TMEM117: variants seen among roughly 807,000 people sequenced by gnomAD.
The protein encoded by TMEM117 is transmembrane protein 117.
TMEM117 carries 27 observed loss-of-function variants against 52.4 expected under a neutral mutation model. The ratio of observed to expected loss-of-function variants is 0.51; its 90% CI spans 0.38 to 0.71. TMEM117 has a LOEUF of 0.71. Among genes scored for constraint, TMEM117 ranks in the 30% least tolerant of loss-of-function variants. The pLI is 0.00. For missense variants in TMEM117, 556 were observed against 630.5 expected, an observed-to-expected ratio of 0.88 and a Z score of 1.26; for synonymous variants, 215 against 206.3, an observed-to-expected ratio of 1.04 and a Z score of -0.36.
At chr12:43,875,813 C>A (rs921756326) in intron 2 of TMEM117, among the ~76,000 whole-genome samples, 1 of 152,154 alleles carries the variant, frequency 6.6e-6, no homozygotes, top group Non-Finnish European at 1.5e-5. Context: ...CTTTACCTTG[C>A]ACTCATGTCC....
chr12:43,796,577 A>G, the TMEM117 span, among the ~76,000 whole-genome samples: 1 of 152,134 alleles, frequency 6.6e-6, no homozygotes, highest in African/African-American at 2.4e-5. Flanking sequence ...ATTAATATGC[A>G]GTAGAAATAA....
At chr12:44,122,379 G>A (rs1948251800) in intron 3 of TMEM117, among the ~76,000 whole-genome samples, 1 of 152,008 alleles carries the variant, frequency 6.6e-6, no homozygotes, top group Admixed American at 6.6e-5. Flanking sequence ...GTATTTCATG[G>A]TTCTATATGT....
chr12:44,278,432 T>G (rs1288465479), intron 5 of TMEM117, among the ~76,000 whole-genome samples: 1 of 152,226 alleles, frequency 6.6e-6, no homozygotes, highest in Non-Finnish European at 1.5e-5. Flanking sequence ...GTCATCCAAG[T>G]TTAGTAATAA....
intron 3 of TMEM117, among the ~76,000 whole-genome samples, chr12:44,118,358 A>G (rs1948179867): frequency 6.6e-6 from 1 of 152,198 alleles, no homozygotes; most frequent in African/African-American, 2.4e-5. Flanking sequence ...GGTTTAGAAG[A>G]GGTAGAAATC....
chr12:44,282,173 T>C (rs1268954219), intron 5 of TMEM117, among the ~76,000 whole-genome samples: 3 of 152,078 alleles, frequency 2.0e-5, no homozygotes, highest in African/African-American at 4.8e-5. Context: ...GAGGCCTCCC[T>C]AGCCACGTGG....
At chr12:43,925,511 G>A (rs111282112) in intron 2 of TMEM117, among the ~76,000 whole-genome samples, 5,999 of 152,030 alleles carry the variant, frequency 0.039, 162 homozygotes, top group Non-Finnish European at 0.061. Context: ...TTGACTTGCC[G>A]GAGGCTGGTG....
the TMEM117 span, among the ~76,000 whole-genome samples, chr12:43,819,780 A>G: frequency 6.6e-6 from 1 of 152,046 alleles, no homozygotes; most frequent in African/African-American, 2.4e-5. Flanking sequence ...GTCAAAAAAA[A>G]AGAGAGAAAG....
chr12:44,379,826 A>C (rs193260537), intron 7 of TMEM117, among the ~76,000 whole-genome samples: 25 of 152,290 alleles, frequency 1.6e-4, no homozygotes, highest in Non-Finnish European at 3.5e-4. Flanking sequence ...TGGAGACTTC[A>C]GTGCTTTTCT....
At chr12:44,199,400 A>G (rs1390179248) in intron 4 of TMEM117, among the ~76,000 whole-genome samples, 1 of 152,206 alleles carries the variant, frequency 6.6e-6, no homozygotes, top group Non-Finnish European at 1.5e-5. Context: ...TTGGCTATAC[A>G]TACTGAGAAA....
the TMEM117 span, among the ~76,000 whole-genome samples, chr12:43,819,012 A>G: frequency 6.6e-6 from 1 of 152,198 alleles, no homozygotes; most frequent in Non-Finnish European, 1.5e-5. Flanking sequence ...GATGTGATGC[A>G]TAGATTGAGA....
intron 5 of TMEM117, among the ~76,000 whole-genome samples, chr12:44,252,163 A>G (rs1015941412): frequency 1.3e-5 from 2 of 152,074 alleles, no homozygotes; most frequent in East Asian, 3.9e-4. Context: ...CCTTGCCTAC[A>G]AGGCCTTTCT....
At chr12:44,280,116 A>C (rs1223330083) in intron 5 of TMEM117, among the ~76,000 whole-genome samples, 1 of 152,040 alleles carries the variant, frequency 6.6e-6, no homozygotes, top group Non-Finnish European at 1.5e-5. Flanking sequence ...ACCTGAAAAA[A>C]TTCATTCATC....
intron 4 of TMEM117, among the ~76,000 whole-genome samples, chr12:44,167,878 A>G (rs1388313709): frequency 3.3e-5 from 5 of 152,178 alleles, no homozygotes; most frequent in Non-Finnish European, 7.3e-5. Flanking sequence ...CAGAACTACA[A>G]GAAGTTATTT....
chr12:44,258,660 A>G (rs1031670102), intron 5 of TMEM117, among the ~76,000 whole-genome samples: 9 of 152,178 alleles, frequency 5.9e-5, no homozygotes, highest in Non-Finnish European at 1.2e-4. Flanking sequence ...TTTATTTTGG[A>G]AAGCTTTTCA....
At chr12:44,331,577 G>C (rs967268895) in intron 6 of TMEM117, among the ~76,000 whole-genome samples, 1 of 152,042 alleles carries the variant, frequency 6.6e-6, no homozygotes, top group Admixed American at 6.6e-5. Context: ...AGATAAGAAG[G>C]AACTGTTTAT....
downstream of TMEM117, among the ~76,000 whole-genome samples, chr12:44,394,172 G>C (rs1047584658): frequency 6.6e-6 from 1 of 152,132 alleles, no homozygotes; most frequent in East Asian, 1.9e-4. Context: ...CCTTATCCAG[G>C]TATCAAGACT....
intron 2 of TMEM117, among the ~76,000 whole-genome samples, chr12:43,847,837 C>T (rs1943235849): frequency 6.6e-6 from 1 of 151,966 alleles, no homozygotes; most frequent in Non-Finnish European, 1.5e-5. Context: ...AACCTGCCCC[C>T]AATATTTTAA....
chr12:44,173,337 A>G (rs1343387532), intron 4 of TMEM117, among the ~76,000 whole-genome samples: 1 of 152,134 alleles, frequency 6.6e-6, no homozygotes, highest in Non-Finnish European at 1.5e-5. Flanking sequence ...TCGTCCTCCC[A>G]AAGCGCTGGA....
chr12:43,815,448 G>A, the TMEM117 span, among the ~76,000 whole-genome samples: 2 of 152,194 alleles, frequency 1.3e-5, no homozygotes, highest in Non-Finnish European at 2.9e-5. Flanking sequence ...AGTATCAGCT[G>A]TCTGAGGAAC....
Sources: allele counts gnomAD v4.1 joint callset (sites outside exome capture counted in the v4.1 genomes callset), GRCh38; gene constraint gnomAD v4.1.1; transcripts MANE v1.5; gene names NCBI Gene and HGNC (gene_info 2026-07-23, HGNC 2026-07-21).